The following CAST variants were observed in gnomAD, a reference collection of about 807,000 sequenced individuals.
CAST encodes the protein MIR583 host.
Under a neutral mutation model 119.6 loss-of-function variants are expected in CAST, and 76 were observed. The observed-to-expected ratio is 0.64, with a 90% confidence interval of 0.53 to 0.77. CAST has a LOEUF of 0.77. Among genes scored for constraint, CAST ranks in the 30% least tolerant of loss-of-function variants. The pLI is 0.00. For missense variants in CAST, 953 were observed against 946.5 expected (o/e 1.01, Z -0.09); for synonymous variants, 319 against 331.6 (o/e 0.96, Z 0.41).
the CAST span, chr5:96,412,275 T>C: frequency 1.3e-6 from 2 of 1,493,754 alleles, no homozygotes; most frequent in Non-Finnish European, 9.3e-7. Context: ...CATATCCAGA[T>C]GGTCAGGTTT....
At chr5:96,204,545 G>T in the CAST span, among the ~76,000 whole-genome samples, 1 of 152,074 alleles carries the variant, frequency 6.6e-6, no homozygotes, top group Non-Finnish European at 1.5e-5. Context: ...GGAGCATGGG[G>T]TGTAGTCAGG....
chr5:95,995,811 C>T, the CAST span, among the ~76,000 whole-genome samples: 10 of 152,044 alleles, frequency 6.6e-5, no homozygotes, highest in Admixed American at 6.6e-4. Flanking sequence ...CAAACAGCTC[C>T]TATATCCAAT....
At chr5:96,660,143 C>A (rs1457491429), upstream of CAST, among the ~76,000 whole-genome samples, 3 of 152,090 alleles carry the variant, frequency 2.0e-5, no homozygotes, top group Non-Finnish European at 2.9e-5. Context: ...TTACATAGAC[C>A]CTCCGCTCCA....
chr5:96,266,152 A>C, the CAST span, among the ~76,000 whole-genome samples: 2 of 152,214 alleles, frequency 1.3e-5, no homozygotes, highest in Non-Finnish European at 2.9e-5. Flanking sequence ...AGGATGAGAC[A>C]GTTCCCAGGG....
At chr5:96,663,271 GT>G in intron 1 of CAST, 1 of 700,498 alleles carries the variant, frequency 1.4e-6, no homozygotes, top group African/African-American at 1.7e-5. Flanking sequence ...GTTGTCCGGG[GT>G]TTGGCGGGGA....
the CAST span, among the ~76,000 whole-genome samples, chr5:96,344,673 G>C: frequency 6.6e-6 from 1 of 152,152 alleles, no homozygotes; most frequent in South Asian, 2.1e-4. Flanking sequence ...TGGGGGATAT[G>C]CTGGCTTAAT....
the CAST span, among the ~76,000 whole-genome samples, chr5:96,149,448 A>C: frequency 6.6e-6 from 1 of 152,158 alleles, no homozygotes; most frequent in Non-Finnish European, 1.5e-5. Context: ...TTGCTTTTTC[A>C]GCTTCTTTCT....
chr5:96,225,095 G>A, the CAST span, among the ~76,000 whole-genome samples: 22 of 152,276 alleles, frequency 1.4e-4, no homozygotes, highest in East Asian at 1.5e-3. Flanking sequence ...CAGACTCTAA[G>A]TTTAAAATCA....
the CAST span, among the ~76,000 whole-genome samples, chr5:96,503,852 G>A: frequency 5.9e-5 from 9 of 152,040 alleles, no homozygotes; most frequent in East Asian, 9.7e-4. Flanking sequence ...TTCATATTTC[G>A]TAAGAGCGCT....
chr5:96,493,037 TAAAGCTACAGATA>T, the CAST span, among the ~76,000 whole-genome samples: 1 of 152,204 alleles, frequency 6.6e-6, no homozygotes, highest in Non-Finnish European at 1.5e-5. Flanking sequence ...GTCAATACAG[TAAAGCTACAGATA>T]AAAGCTACAG....
chr5:96,563,930 C>T (rs1746427336), intron 1 of CAST, among the ~76,000 whole-genome samples: 1 of 152,190 alleles, frequency 6.6e-6, no homozygotes, highest in African/African-American at 2.4e-5. Flanking sequence ...AGGCTGTCAG[C>T]AGGCTATGAA....
chr5:96,436,203 C>T, the CAST span, among the ~76,000 whole-genome samples: 1 of 152,174 alleles, frequency 6.6e-6, no homozygotes, highest in Admixed American at 6.5e-5. Context: ...GGTAGCAGAA[C>T]ACATTATAGG....
At chr5:96,370,857 G>A in the CAST span, among the ~76,000 whole-genome samples, 5 of 152,292 alleles carry the variant, frequency 3.3e-5, no homozygotes, top group East Asian at 9.6e-4. Context: ...GTAAACTTGA[G>A]GTGCTGTCTT....
chr5:96,297,196 T>A, the CAST span, among the ~76,000 whole-genome samples: 2 of 152,162 alleles, frequency 1.3e-5, no homozygotes, highest in African/African-American at 4.8e-5. Context: ...GAGTCAGAAT[T>A]AGCTGGAAAG....
chr5:96,643,045 C>T (rs1180393862), intron 1 of CAST, among the ~76,000 whole-genome samples: 1 of 152,000 alleles, frequency 6.6e-6, no homozygotes, highest in African/African-American at 2.4e-5. Context: ...TTAAATCAAG[C>T]AGTCTGCCTC....
the CAST span, among the ~76,000 whole-genome samples, chr5:96,262,352 G>A: frequency 7.2e-5 from 11 of 152,090 alleles, no homozygotes; most frequent in Non-Finnish European, 1.6e-4. Flanking sequence ...TCTCACTATA[G>A]CTTCCTCAAC....
the CAST span, among the ~76,000 whole-genome samples, chr5:96,051,021 A>G: frequency 6.6e-6 from 1 of 152,328 alleles, no homozygotes; most frequent in African/African-American, 2.4e-5. Context: ...CAGGTATTAC[A>G]AACACTTTGG....
intron 8 of CAST, 41 bp downstream of exon 8, chr5:96,729,766 G>A (rs867815150): frequency 2.4e-6 from 2 of 848,910 alleles, no homozygotes; most frequent in Middle Eastern, 4.4e-4. Flanking sequence ...AACATCAACT[G>A]GATAATAAGA....
intron 1 of CAST, among the ~76,000 whole-genome samples, chr5:96,636,946 G>A (rs1454938402): frequency 6.6e-6 from 1 of 150,770 alleles, no homozygotes; most frequent in Non-Finnish European, 1.5e-5. Flanking sequence ...GGAGGTGGAG[G>A]TGCAGCTTCA....
Sources: gnomAD v4.1 joint callset for allele counts (sites outside exome capture counted in the v4.1 genomes callset) on GRCh38, gnomAD v4.1.1 for gene constraint, MANE v1.5 for transcripts, NCBI Gene and HGNC (gene_info 2026-07-23, HGNC 2026-07-21) for gene names.